The following ZMYM2 variants were observed in gnomAD, a reference collection of about 807,000 sequenced individuals.
ZMYM2 encodes zinc finger MYM-type containing 2.
A neutral mutation model predicts 162.8 loss-of-function variants in ZMYM2; 56 were observed. The ratio of observed to expected loss-of-function variants is 0.34; its 90% CI spans 0.28 to 0.43. ZMYM2 has a LOEUF of 0.43. Among genes scored for constraint, ZMYM2 ranks in the 20% least tolerant of loss-of-function variants. The pLI is 1.00. For missense variants in ZMYM2, 1,275 were observed against 1,621.8 expected, an observed-to-expected ratio of 0.79 and a Z score of 3.67; for synonymous variants, 510 against 541.6, an observed-to-expected ratio of 0.94 and a Z score of 0.81.
At chr13:19,898,283 A>C in the ZMYM2 span, among the ~76,000 whole-genome samples, 1 of 150,758 alleles carries the variant, frequency 6.6e-6, no homozygotes, top group Admixed American at 6.6e-5. Context: ...CCCAGGCTGG[A>C]GTGCAGTGGC....
At chr13:20,002,822 ATTCT>A (rs1172518957) in intron 3 of ZMYM2, 24 bp from the exon 4 acceptor site, 2 of 1,600,796 alleles carry the variant, frequency 1.2e-6, no homozygotes, top group Admixed American at 1.7e-5. Flanking sequence ...TTGTTTCATT[ATTCT>A]TTCTTGTGCA....
intron 9 of ZMYM2, 65 bp from the exon 10 acceptor site, chr13:20,031,254 C>A (rs1236608731): frequency 2.7e-6 from 3 of 1,098,320 alleles, no homozygotes; most frequent in Non-Finnish European, 4.0e-6. Context: ...AGATATATGA[C>A]AGTAATCACA....
intron 24 of ZMYM2, among the ~76,000 whole-genome samples, 189 bp from the exon 25 acceptor site, chr13:20,085,633 G>A (rs937239482): frequency 3.3e-5 from 5 of 152,150 alleles, no homozygotes; most frequent in Non-Finnish European, 5.9e-5. Context: ...AATTAAAATT[G>A]TGGGAAATAA....
the ZMYM2 span, among the ~76,000 whole-genome samples, chr13:19,931,070 C>G: frequency 4.0e-5 from 6 of 148,552 alleles, no homozygotes; most frequent in Non-Finnish European, 7.4e-5. Flanking sequence ...ACCCAGGAGG[C>G]GGAGCTTGCA....
In ZMYM2 at chr13:20,066,404, A is replaced by T. The variant is rs181494236; in HGVS notation, c.3133-447A>T. Among the ~76,000 whole-genome samples the T allele has an allele frequency of 3.3e-5, 5 of 152,264 alleles. No homozygotes were observed. The East Asian group carries it at 9.6e-4, about 29-fold the overall frequency. ...TTCATGTATTACTTTTGACTCCCTA[A>T]AAAGCTAACTACTAGTAGCCTACTG... On this transcript the variant is annotated intron_variant, in intron 19 of 24. Transcript: ENST00000610343.
chr13:19,981,300 AAC>A (rs948949117), intron 2 of ZMYM2, among the ~76,000 whole-genome samples: 9 of 124,148 alleles, frequency 7.2e-5, no homozygotes, highest in African/African-American at 2.0e-4. Context: ...AAAACAAACA[AAC>A]AAAAAAAAAA....
intron 2 of ZMYM2, among the ~76,000 whole-genome samples, chr13:19,980,497 A>C (rs1957221794): frequency 6.6e-6 from 1 of 152,000 alleles, no homozygotes; most frequent in South Asian, 2.1e-4. Flanking sequence ...CACGCTTACA[A>C]TCCCAGCACT....
chr13:20,066,940 T>C lies in ZMYM2; in HGVS notation c.3222T>C (p.Tyr1074=). The change falls in exon 20 of 25, where the codon TAT becomes TAC. Residue 1074 remains tyrosine (Y), a synonymous_variant. Coordinates refer to ENST00000610343, the MANE Select transcript of ZMYM2 (RefSeq NM_197968.4). ...GCAGCTTTCCTTTCAAATATACGTA[T>C]GGCGTAAATGCATGGAAACACTGGG... ...SECSFPFKYT[Y]GVNAWKHWVK... The C allele has an allele frequency of 6.2e-7, 1 of 1,613,578 alleles. No individual in the cohort carries two copies. The highest frequency in any genetic ancestry group is 1.3e-5 in the African/African-American group (1 of 75,046).
intron 21 of ZMYM2, among the ~76,000 whole-genome samples, chr13:20,071,347 T>C (rs1957072293): frequency 6.6e-6 from 1 of 152,226 alleles, no homozygotes; most frequent in Non-Finnish European, 1.5e-5. Flanking sequence ...TTGGACAAAA[T>C]GCGTAAACAA....
chr13:19,998,340 A>G (rs1950165900), intron 3 of ZMYM2, among the ~76,000 whole-genome samples: 1 of 152,204 alleles, frequency 6.6e-6, no homozygotes, highest in Non-Finnish European at 1.5e-5. Flanking sequence ...TAAATTGAAA[A>G]TAGAGAAGCA....
chr13:20,013,922 G>A (rs1951400790), intron 6 of ZMYM2, among the ~76,000 whole-genome samples: 1 of 152,150 alleles, frequency 6.6e-6, no homozygotes, highest in Non-Finnish European at 1.5e-5. Context: ...TTTCAAATGA[G>A]GGTAATGCTG....
intron 12 of ZMYM2, among the ~76,000 whole-genome samples, chr13:20,046,607 G>GTA (rs67024518): frequency 0.011 from 1,113 of 104,322 alleles, 21 homozygotes; most frequent in African/African-American, 0.04. Flanking sequence ...GTGTGTGTGT[G>GTA]TATATATATG....
chr13:20,015,051 G>A (rs775593871), intron 6 of ZMYM2, among the ~76,000 whole-genome samples: 17 of 152,118 alleles, frequency 1.1e-4, no homozygotes, highest in East Asian at 7.7e-4. Context: ...GTGAGCCACC[G>A]TGCCTGGACT....
chr13:20,087,545 C>A lies in ZMYM2; in HGVS notation c.*1531C>A, dbSNP rs1052002371. Reference sequence around the variant, plus strand: ...AGCAATTGCTACACATCCTTAGATACTCCTCTCTCCCATAGGATAAATGTT... The same window carrying A: ...AGCAATTGCTACACATCCTTAGATAATCCTCTCTCCCATAGGATAAATGTT... On this transcript the variant is annotated 3_prime_UTR_variant, in exon 25 of 25. Coordinates refer to ENST00000610343, the MANE Select transcript of ZMYM2 (RefSeq NM_197968.4). 1 of 185,752 alleles carries A rather than the reference C, an allele frequency of 5.4e-6. No homozygotes were observed. The highest frequency in any genetic ancestry group is 2.3e-5 in the African/African-American group (1 of 42,688). 11.5% of individuals were successfully genotyped at this position (185,752 alleles called of 1,614,324 possible).
intron 2 of ZMYM2, among the ~76,000 whole-genome samples, chr13:19,992,593 A>C (rs984521563): frequency 6.6e-6 from 1 of 152,154 alleles, no homozygotes; most frequent in Non-Finnish European, 1.5e-5. Context: ...GGTAAGGGAA[A>C]GGATTATAGC....
chr13:19,911,847 A>G, the ZMYM2 span, among the ~76,000 whole-genome samples: 17,094 of 152,264 alleles, frequency 0.11, 1,126 homozygotes, highest in Middle Eastern at 0.16. Flanking sequence ...GACCTGTCTC[A>G]ATCTAGAAAA....
intron 12 of ZMYM2, among the ~76,000 whole-genome samples, chr13:20,046,023 C>T (rs1457957828): frequency 6.7e-6 from 1 of 149,398 alleles, no homozygotes; most frequent in African/African-American, 2.5e-5. Flanking sequence ...GGGAGAATCA[C>T]TTGAGGCAAG....
the ZMYM2 span, among the ~76,000 whole-genome samples, chr13:19,892,406 G>A: frequency 6.6e-6 from 1 of 151,500 alleles, no homozygotes; most frequent in South Asian, 2.1e-4. Context: ...CAAGTAGCCG[G>A]GACTACAGGC....
chr13:19,874,433 A>G, the ZMYM2 span, among the ~76,000 whole-genome samples: 2 of 151,926 alleles, frequency 1.3e-5, no homozygotes, highest in South Asian at 2.1e-4. Context: ...GGGTCTCGCT[A>G]TGTTGCCCAG....
Sources: gnomAD v4.1 joint callset for allele counts (sites outside exome capture counted in the v4.1 genomes callset) on GRCh38, gnomAD v4.1.1 for gene constraint, MANE v1.5 for transcripts, NCBI Gene and HGNC (gene_info 2026-07-23, HGNC 2026-07-21) for gene names.